The following PRIM2 variants were observed in gnomAD, a reference collection of about 807,000 sequenced individuals.
The protein encoded by PRIM2 is DNA primase large subunit.
PRIM2 carries 39 observed loss-of-function variants against 67.3 expected under a neutral mutation model. That is an observed-to-expected ratio of 0.58 (90% confidence interval 0.45 to 0.76). The LOEUF (loss-of-function observed/expected upper bound fraction) is 0.76. Ranked by LOEUF, PRIM2 falls within the 30% of genes least tolerant of loss-of-function variation. PRIM2 has a pLI of 0.00. For missense variants in PRIM2, 398 were observed against 598.7 expected, an observed-to-expected ratio of 0.66 and a Z score of 3.50; for synonymous variants, 143 against 198.7, an observed-to-expected ratio of 0.72 and a Z score of 2.36.
intron 5 of PRIM2, among the ~76,000 whole-genome samples, chr6:57,337,860 A>G (rs1768315039): frequency 6.6e-6 from 1 of 152,204 alleles, no homozygotes; most frequent in Admixed American, 6.5e-5. Flanking sequence ...CTAACATCAG[A>G]GCAGAACTGA....
the PRIM2 span, among the ~76,000 whole-genome samples, chr6:57,245,103 G>C: frequency 3.9e-5 from 6 of 152,032 alleles, no homozygotes; most frequent in Non-Finnish European, 7.4e-5. Context: ...CACTGTTTCT[G>C]CTGCTGCATT....
In PRIM2 at chr6:57,382,116, T is replaced by C. The variant is rs1338674669; in HGVS notation, c.641T>C (p.Ile214Thr). The C allele has an allele frequency of 6.2e-7, 1 of 1,613,318 alleles. No individual in the cohort carries two copies. ...TTTGCTTACGTACCACTTAAGGACATTGTGGCAATCATCCTGAATGAATTT... is the reference window on the plus strand; with the variant it reads ...TTTGCTTACGTACCACTTAAGGACACTGTGGCAATCATCCTGAATGAATTT... ...DGFAYVPLKD[I>T]VAIILNEFRA... Residue 214 changes from isoleucine (I) to threonine (T), a missense_variant, in exon 7 of 14, where the codon ATT (isoleucine) becomes ACT (threonine). Around this residue, in one of 4 missense-constraint regions of PRIM2, gnomAD observed 229 missense variants for 383.6 expected, o/e 0.60. Coordinates refer to ENST00000615550, the MANE Select transcript of PRIM2 (RefSeq NM_000947.5).
At chr6:57,411,155 C>A (rs1395857780) in intron 7 of PRIM2, among the ~76,000 whole-genome samples, 4 of 151,942 alleles carry the variant, frequency 2.6e-5, no homozygotes, top group Non-Finnish European at 4.4e-5. Context: ...CTTGCTCCTG[C>A]TCTCACCATG....
intron 10 of PRIM2, among the ~76,000 whole-genome samples, chr6:57,600,085 G>A (rs1406147964): frequency 1.3e-5 from 2 of 152,114 alleles, no homozygotes; most frequent in Non-Finnish European, 2.9e-5. Flanking sequence ...CATCATAGAG[G>A]AGTTGTGATT....
At chr6:57,450,825 T>C (rs1252842718) in intron 7 of PRIM2, among the ~76,000 whole-genome samples, 6 of 152,236 alleles carry the variant, frequency 3.9e-5, no homozygotes, top group Non-Finnish European at 7.3e-5. Context: ...TTGCATATAC[T>C]ATACTTTAGT....
intron 8 of PRIM2, among the ~76,000 whole-genome samples, chr6:57,508,938 GTTT>G: frequency 6.6e-6 from 1 of 152,050 alleles, no homozygotes; most frequent in Admixed American, 6.6e-5. Flanking sequence ...ACATTTTCAG[GTTT>G]TATGTAGTCA....
At chr6:57,547,812 G>T (rs1370470549) in intron 10 of PRIM2, among the ~76,000 whole-genome samples, 1 of 152,238 alleles carries the variant, frequency 6.6e-6, no homozygotes, top group African/African-American at 2.4e-5. Context: ...CCAGAATCTA[G>T]CTTGCGTCAA....
the PRIM2 span, among the ~76,000 whole-genome samples, chr6:57,280,126 C>T: frequency 6.6e-6 from 1 of 152,236 alleles, no homozygotes; most frequent in South Asian, 2.1e-4. Flanking sequence ...AGGCAGTGAG[C>T]ACTTTCAAAT....
chr6:57,609,163 G>T (rs1776619526), intron 12 of PRIM2, among the ~76,000 whole-genome samples: 2 of 152,192 alleles, frequency 1.3e-5, no homozygotes, highest in South Asian at 4.1e-4. Flanking sequence ...AGTATGCATG[G>T]TGGTATGCAG....
chr6:57,479,203 C>T (rs1266321681), intron 7 of PRIM2, among the ~76,000 whole-genome samples: 7 of 152,104 alleles, frequency 4.6e-5, no homozygotes, highest in South Asian at 2.1e-4. Context: ...TCACTAAAAA[C>T]GGAAAGAAAC....
chr6:57,268,981 G>C, the PRIM2 span, among the ~76,000 whole-genome samples: 1 of 151,366 alleles, frequency 6.6e-6, no homozygotes, highest in East Asian at 1.9e-4. Context: ...TTTTATGGCT[G>C]CATAGTATTC....
rs1482947642 is a variant in PRIM2 at position 57,540,966 on chromosome 6, C to T, written c.1020+3341C>T. On this transcript the variant is annotated intron_variant, in intron 10 of 13. Coordinates refer to ENST00000615550, the MANE Select transcript of PRIM2 (RefSeq NM_000947.5). ...CAGTAAAGTGATCTCTCACAGTTCT[C>T]GGGTATTTTTCATCGTGTTCAGTGC... is the stretch of plus-strand genomic sequence containing the variant. 6.6e-5 allele frequency among the ~76,000 whole-genome samples: 10 copies of T among 152,144 alleles called. 1 individual carries two copies. The highest frequency in any genetic ancestry group is 1.2e-4 in the African/African-American group (5 of 41,420).
chr6:57,413,278 A>T (rs1771150090), intron 7 of PRIM2, among the ~76,000 whole-genome samples: 1 of 152,090 alleles, frequency 6.6e-6, no homozygotes. Flanking sequence ...ATGGAGGGGA[A>T]TAAATTTGAA....
chr6:57,607,791 A>T (rs1776589601), intron 12 of PRIM2, among the ~76,000 whole-genome samples: 2 of 152,222 alleles, frequency 1.3e-5, no homozygotes, highest in Non-Finnish European at 2.9e-5. Flanking sequence ...ATCTATGTTA[A>T]CATATTATGT....
chr6:57,428,800 C>T (rs1771717971), intron 7 of PRIM2, among the ~76,000 whole-genome samples: 1 of 152,140 alleles, frequency 6.6e-6, no homozygotes, highest in East Asian at 1.9e-4. Context: ...TTGTACCTCC[C>T]ATTCAGCTTT....
In PRIM2 at chr6:57,571,452, C is replaced by G. The variant is rs1264754796; in HGVS notation, c.1021-29641C>G. ...ATCGCTTGAGGTCAGGAGTTCAAGA[C>G]CAGCCTGGCCAACATGGTGAGACCC... On this transcript the variant is annotated intron_variant, in intron 10 of 13. Coordinates refer to ENST00000615550, the MANE Select transcript of PRIM2 (RefSeq NM_000947.5). Among the ~76,000 whole-genome samples the G allele has an allele frequency of 1.4e-3, 213 of 152,160 alleles. 5 individuals carry two copies. The East Asian group carries it at 0.019, about 14-fold the overall frequency.
the PRIM2 span, among the ~76,000 whole-genome samples, chr6:57,302,737 C>T: frequency 6.6e-6 from 1 of 152,152 alleles, no homozygotes; most frequent in East Asian, 1.9e-4. Context: ...CTCCCTAAGC[C>T]AGTGCATTCT....
At chr6:57,586,585 G>A (rs1292634228) in intron 10 of PRIM2, among the ~76,000 whole-genome samples, 4 of 152,160 alleles carry the variant, frequency 2.6e-5, no homozygotes, top group Non-Finnish European at 5.9e-5. Context: ...TTCTCACAAT[G>A]GGTATTTGTC....
chr6:57,286,917 A>G, the PRIM2 span, among the ~76,000 whole-genome samples: 3 of 152,160 alleles, frequency 2.0e-5, no homozygotes, highest in African/African-American at 7.2e-5. Context: ...TACAAGAGAA[A>G]AACAACCCCA....
Sources: allele counts gnomAD v4.1 joint callset (sites outside exome capture counted in the v4.1 genomes callset), GRCh38; gene constraint gnomAD v4.1.1; regional missense constraint gnomAD v4.1.1; transcripts MANE v1.5; gene names NCBI Gene and HGNC (gene_info 2026-07-23, HGNC 2026-07-21).